Variants in ECHDC2 observed in about 807,000 individuals in gnomAD.
ECHDC2 encodes the protein enoyl-CoA hydratase domain containing 2, also known as enoyl-CoA hydratase domain-containing protein 2, mitochondrial.
A neutral mutation model predicts 40.6 loss-of-function variants in ECHDC2; 34 were observed. The observed-to-expected ratio is 0.84, with a 90% CI of 0.64 to 1.11. The LOEUF is 1.11. Ranked by LOEUF, ECHDC2 falls within the 50% of genes most tolerant of loss-of-function variation. The pLI is 0.00. For synonymous variants in ECHDC2, 162 were observed against 166.6 expected (o/e 0.97, Z 0.21); for missense variants, 392 against 400.7 (o/e 0.98, Z 0.19).
intron 1 of ECHDC2, 197 bp downstream of exon 1, chr1:52,921,356 C>A: frequency 7.6e-7 from 1 of 1,309,868 alleles, no homozygotes; most frequent in Non-Finnish European, 9.9e-7. Context: ...AGAGGCCCCC[C>A]GCCCCCAGCT....
rs1474853167 is a variant in ECHDC2 at position 52,921,598 on chromosome 1, C to T, written c.76G>A (p.Gly26Arg). Residue 26 changes from glycine (G) to arginine (R), a missense_variant, in exon 1 of 10, where the codon GGG becomes AGG. Transcript: ENST00000371522. ...ARGCASDGAA[G>R]GSEIQVRALA... ...GCGCGCACTTGGATCTCTGAGCCCC[C>T]GGCCGCCCCGTCGGAAGCGCAGCCG... The T allele has an allele frequency of 7.5e-6, 12 of 1,605,372 alleles. No individual in the cohort carries two copies. Among genetic ancestry groups the T allele is most frequent in the Admixed American group, 1.7e-5 (1 of 59,242 alleles).
At chr1:52,904,605 A>G (rs1388623496) in intron 7 of ECHDC2, 41 bp downstream of exon 7, 2 of 1,512,534 alleles carry the variant, frequency 1.3e-6, no homozygotes, top group Non-Finnish European at 1.8e-6. Flanking sequence ...TGCCTCCCCC[A>G]TGACTCCAGC....
At chr1:52,912,062 C>T in intron 1 of ECHDC2, 1 of 1,381,440 alleles carries the variant, frequency 7.2e-7, no homozygotes, top group Non-Finnish European at 9.4e-7. Flanking sequence ...GTGACTACCA[C>T]AGTAGCCCTT....
At chr1:52,906,039 C>A (rs894976170) in intron 5 of ECHDC2, 3 of 326,298 alleles carry the variant, frequency 9.2e-6, no homozygotes, top group Non-Finnish European at 1.8e-5. Flanking sequence ...CAGTTATCTT[C>A]TTTATCCCCT....
At chr1:52,912,112 A>G (rs1649667904) in intron 1 of ECHDC2, 2 of 1,107,140 alleles carry the variant, frequency 1.8e-6, no homozygotes, top group Middle Eastern at 3.5e-4. Context: ...ACACACACAC[A>G]CACAAGCACA....
chr1:52,901,635 G>A (rs1370586465), intron 7 of ECHDC2: 1 of 152,144 alleles, frequency 6.6e-6, no homozygotes, highest in African/African-American at 2.4e-5. Flanking sequence ...TGAGCACCCA[G>A]TAACATAGGT....
At chr1:52,917,232 A>G (rs1232067985) in intron 1 of ECHDC2, among the ~76,000 whole-genome samples, 1 of 151,912 alleles carries the variant, frequency 6.6e-6, no homozygotes, top group Non-Finnish European at 1.5e-5. Context: ...AGAAAAAAAA[A>G]AAAAAAGAAA....
At chr1:52,898,879 C>G (rs1447597162) in intron 8 of ECHDC2, 3 of 483,724 alleles carry the variant, frequency 6.2e-6, no homozygotes, top group South Asian at 2.1e-5. Context: ...CCACACAGAC[C>G]CGGGTTCTTT....
intron 6 of ECHDC2, 36 bp downstream of exon 6, chr1:52,904,998 G>A: frequency 6.2e-7 from 1 of 1,613,656 alleles, no homozygotes; most frequent in Non-Finnish European, 8.5e-7. Context: ...GACCCTGGAT[G>A]GGGTGGAATT....
At chr1:52,898,895 C>T (rs933350661) in intron 8 of ECHDC2, 6 of 514,694 alleles carry the variant, frequency 1.2e-5, no homozygotes, top group Non-Finnish European at 1.8e-5. Context: ...TCTTTCTACT[C>T]ACTTCCTCTG....
chr1:52,899,223 G>A lies in ECHDC2; in HGVS notation c.704C>T (p.Ala235Val), dbSNP rs906410785. The change falls in exon 8 of 10, where the codon GCC becomes GTC. Residue 235 changes from alanine (A) to valine (V), a missense_variant and splice_region_variant. By Grantham distance (64) the Ala-to-Val change is moderately conservative. Transcript: ENST00000371522. ...RALAQEILPQAPIAVRLGKVA... is the reference protein window; with the variant it reads ...RALAQEILPQVPIAVRLGKVA... Reference sequence around the variant, plus strand: ...TTTGCCCAGCCGCACGGCAATGGGGGCCTAGGGAAAAGCAAAAAGTCTTGG... The same window carrying A: ...TTTGCCCAGCCGCACGGCAATGGGGACCTAGGGAAAAGCAAAAAGTCTTGG... The A allele has an allele frequency of 6.8e-6, 11 of 1,611,818 alleles. No homozygotes were observed. Among genetic ancestry groups the A allele is most frequent in the Non-Finnish European group, 8.5e-6 (10 of 1,179,970 alleles).
chr1:52,908,324 A>C (rs1273817527), intron 3 of ECHDC2, among the ~76,000 whole-genome samples: 1 of 151,896 alleles, frequency 6.6e-6, no homozygotes, highest in Non-Finnish European at 1.5e-5. Flanking sequence ...AACATGGTGA[A>C]ACCCTGTCTC....
At chr1:52,905,202 A>G (rs1647470212) in intron 5 of ECHDC2, 112 bp from the exon 6 acceptor site, 2 of 1,224,844 alleles carry the variant, frequency 1.6e-6, no homozygotes, top group African/African-American at 3.0e-5. Context: ...CACTTGCCCC[A>G]TGGTCTGGCC....
chr1:52,911,504 C>T, intron 3 of ECHDC2, 62 bp downstream of exon 3: 2 of 1,536,748 alleles, frequency 1.3e-6, no homozygotes, highest in Non-Finnish European at 1.8e-6. Context: ...AGGTTTCCCC[C>T]AACCCCTGGA....
At chr1:52,903,404 T>G (rs969107515) in intron 7 of ECHDC2, among the ~76,000 whole-genome samples, 9 of 152,084 alleles carry the variant, frequency 5.9e-5, no homozygotes, top group Non-Finnish European at 1.3e-4. Flanking sequence ...TATTTGAGGA[T>G]TTTTTTAATG....
rs566678547 is a variant in ECHDC2 at position 52,906,575 on chromosome 1, C to G, written c.401G>C (p.Gly134Ala). 1.2e-6 allele frequency: 2 copies of G among 1,612,506 alleles called. No homozygotes were observed. The highest frequency in any genetic ancestry group is 4.5e-5 in the East Asian group (2 of 44,872). ...FPAPTIAAMD[G>A]FALGGGLELA... The stretch of plus-strand genomic sequence containing the variant: ...CTCTAGGCCTCCGCCCAAGGCAAAC[C>G]CATCCATAGCCGCAATGGTGGGTGC... The change falls in exon 5 of 10, where the codon GGG becomes GCG. Residue 134 changes from glycine to alanine, a missense_variant. Physicochemically the swap from Gly to Ala is moderately conservative, Grantham distance 60 (BLOSUM62 0). Transcript: ENST00000371522.
chr1:52,906,385 C>G (rs1280964920), intron 5 of ECHDC2, 134 bp downstream of exon 5: 1 of 787,092 alleles, frequency 1.3e-6, no homozygotes, highest in Non-Finnish European at 2.2e-6. Context: ...ACCCTCTGTG[C>G]TCTGCCTTGC....
Position 52,897,467 on chromosome 1 carries a change from C to A in ECHDC2, c.771G>T (p.Gly257=). 1 of 1,614,226 alleles carries A rather than the reference C, an allele frequency of 6.2e-7. No homozygotes were observed. Among genetic ancestry groups the A allele is most frequent in the Non-Finnish European group, 8.5e-7 (1 of 1,180,048 alleles). ...CATAGCACATCCCTTCAATGGCCAT[C>A]CCAGATGCAATGTCCACCTGCAAGA... ...DRGTEVDIAS[G]MAIEGMCYAQ... The change falls in exon 9 of 10, where the codon GGG becomes GGT. Residue 257 remains glycine, a synonymous_variant. Transcript: ENST00000371522.
chr1:52,898,920 T>C, intron 8 of ECHDC2: 1 of 558,338 alleles, frequency 1.8e-6, no homozygotes, highest in Non-Finnish European at 3.2e-6. Context: ...CTTGGGCAAA[T>C]CATTTACCCT....
Sources: gnomAD v4.1 joint callset for allele counts (sites outside exome capture counted in the v4.1 genomes callset) on GRCh38, gnomAD v4.1.1 for gene constraint, MANE v1.5 for transcripts, NCBI Gene and HGNC (gene_info 2026-07-23, HGNC 2026-07-21) for gene names.